The following RANBP17 variants were observed in gnomAD, a reference collection of about 807,000 sequenced individuals.
The protein encoded by RANBP17 is RAN binding protein 17.
RANBP17 carries 158 observed loss-of-function variants against 141.2 expected under a neutral mutation model. The observed-to-expected ratio is 1.12, with a 90% confidence interval of 0.98 to 1.28. RANBP17 has a LOEUF of 1.28. Ranked by LOEUF, RANBP17 falls within the 50% of genes most tolerant of loss-of-function variation. The pLI, the probability that RANBP17 is intolerant of heterozygous loss-of-function variation, is 0.00. For synonymous variants in RANBP17, 430 were observed against 450.0 expected, an observed-to-expected ratio of 0.96 and a Z score of 0.56; for missense variants, 1,438 against 1,290.7, an observed-to-expected ratio of 1.11 and a Z score of -1.75.
chr5:170,966,876 C>T (rs1776604085), intron 13 of RANBP17, among the ~76,000 whole-genome samples: 1 of 152,104 alleles, frequency 6.6e-6, no homozygotes, highest in African/African-American at 2.4e-5. Flanking sequence ...GTACAAAAAT[C>T]ACAAGCATTC....
intron 14 of RANBP17, chr5:171,143,468 G>C (rs1420185413): frequency 2.0e-5 from 3 of 152,020 alleles, no homozygotes; most frequent in Non-Finnish European, 4.4e-5. Flanking sequence ...TGGCCTTCCA[G>C]GTAAGCCCTT....
At position 170,898,149 on chromosome 5, in the gene RANBP17, G is replaced by C. The variant is rs548439751; in HGVS notation, c.489+2034G>C. 2.6e-5 allele frequency among the ~76,000 whole-genome samples: 4 copies of C among 152,292 alleles called. No homozygotes were observed. In the East Asian group the frequency reaches 7.7e-4, roughly 29 times the overall value. ...TTGCTTTATGAATCTGGGTGCCTCT[G>C]TATTAGGTGCATATATATTTAGGAT... On this transcript the variant is annotated intron_variant, in intron 5 of 27. Coordinates refer to ENST00000523189, the MANE Select transcript of RANBP17 (RefSeq NM_022897.5).
chr5:171,211,050 G>A (rs1337749066), intron 20 of RANBP17, among the ~76,000 whole-genome samples: 1 of 145,174 alleles, frequency 6.9e-6, no homozygotes, highest in Non-Finnish European at 1.5e-5. Flanking sequence ...TGGATCCCCA[G>A]CCCTTAGCAT....
intron 14 of RANBP17, among the ~76,000 whole-genome samples, chr5:171,146,405 A>C (rs1451249655): frequency 6.6e-6 from 1 of 152,230 alleles, no homozygotes; most frequent in East Asian, 1.9e-4. Flanking sequence ...CACAACAATC[A>C]TGTAGGGTAA....
chr5:170,881,619 T>C (rs1768699120), intron 2 of RANBP17, among the ~76,000 whole-genome samples, 187 bp from the exon 3 acceptor site: 1 of 152,240 alleles, frequency 6.6e-6, no homozygotes, highest in South Asian at 2.1e-4. Context: ...TTTTAAGAGA[T>C]TGTATGCCTG....
At chr5:171,021,121 G>C (rs1780825263) in intron 14 of RANBP17, among the ~76,000 whole-genome samples, 1 of 152,136 alleles carries the variant, frequency 6.6e-6, no homozygotes, top group Non-Finnish European at 1.5e-5. Flanking sequence ...TGGCTTATAG[G>C]GTTTCTGCAG....
chr5:170,966,967 C>T (rs1328796017), intron 13 of RANBP17, among the ~76,000 whole-genome samples: 1 of 152,084 alleles, frequency 6.6e-6, no homozygotes, highest in African/African-American at 2.4e-5. Context: ...TAATAAAATA[C>T]CTAGGGATCC....
intron 12 of RANBP17, among the ~76,000 whole-genome samples, chr5:170,944,931 A>T (rs1473706507): frequency 6.6e-6 from 1 of 152,224 alleles, no homozygotes; most frequent in Non-Finnish European, 1.5e-5. Flanking sequence ...AATGGTGCTC[A>T]TCATACTGCA....
intron 14 of RANBP17, among the ~76,000 whole-genome samples, chr5:171,041,933 C>T (rs1162263163): frequency 1.3e-5 from 2 of 151,976 alleles, no homozygotes; most frequent in African/African-American, 4.8e-5. Flanking sequence ...GCATCGTTCT[C>T]CTCCCTGTGT....
intron 14 of RANBP17, among the ~76,000 whole-genome samples, chr5:170,980,980 C>T (rs1777728978): frequency 6.6e-6 from 1 of 152,200 alleles, no homozygotes; most frequent in Admixed American, 6.5e-5. Context: ...TACCCAAGAC[C>T]ATGGGAACCC....
intron 14 of RANBP17, among the ~76,000 whole-genome samples, chr5:171,115,996 A>C (rs1030847851): frequency 2.6e-5 from 4 of 152,168 alleles, no homozygotes; most frequent in African/African-American, 9.7e-5. Context: ...GACATGAATA[A>C]AGAGGTACAT....
At chr5:170,883,929 T>C (rs1293230078) in intron 3 of RANBP17, among the ~76,000 whole-genome samples, 1 of 152,242 alleles carries the variant, frequency 6.6e-6, no homozygotes, top group African/African-American at 2.4e-5. Context: ...TGTGGGTTTT[T>C]GTGTGCCCAA....
chr5:171,190,347 G>T (rs1192100567), intron 18 of RANBP17, among the ~76,000 whole-genome samples: 1 of 152,166 alleles, frequency 6.6e-6, no homozygotes, highest in Non-Finnish European at 1.5e-5. Context: ...GCAATAAACA[G>T]TTGTACCATT....
rs1448052847 is a variant in RANBP17 at position 170,916,536 on chromosome 5, C to G, written c.906C>G (p.Tyr302Ter). The change falls in exon 9 of 28, where the codon TAC (tyrosine) becomes TAG (stop). Residue 302 changes from tyrosine to a stop codon, truncating the protein, a stop_gained. Transcript: ENST00000523189. LOFTEE classifies it high-confidence loss of function. ...TTAACAGTCCTGAACGTGCCAAGTACCTTGGTAATTTAATTAAGGGAGTAA... is the reference window on the plus strand; with the variant it reads ...TTAACAGTCCTGAACGTGCCAAGTAGCTTGGTAATTTAATTAAGGGAGTAA... ...SLFNSPERAK[Y>*]LGNLIKGVKR... 2.1e-5 allele frequency: 33 copies of G among 1,579,240 alleles called. No individual in the cohort carries two copies. Among genetic ancestry groups the G allele is most frequent in the Middle Eastern group, 1.7e-4 (1 of 5,910 alleles).
At chr5:170,911,210 G>C in intron 7 of RANBP17, 76 bp downstream of exon 7, 1 of 1,337,892 alleles carries the variant, frequency 7.5e-7, no homozygotes. Context: ...TGTATGTATA[G>C]TTATCTTTTT....
At chr5:170,881,020 A>T (rs892900617) in intron 2 of RANBP17, among the ~76,000 whole-genome samples, 3 of 152,226 alleles carry the variant, frequency 2.0e-5, no homozygotes, top group African/African-American at 7.2e-5. Context: ...CAGTGTGTAA[A>T]TGAATGAGCA....
intron 9 of RANBP17, among the ~76,000 whole-genome samples, chr5:170,917,544 T>TG (rs1561888058): frequency 1.3e-5 from 2 of 152,156 alleles, no homozygotes. Context: ...TAATAAATTT[T>TG]GGGGGGTGAC....
intron 24 of RANBP17, 189 bp downstream of exon 24, chr5:171,243,009 T>C (rs548307132): frequency 3.3e-6 from 2 of 605,140 alleles, no homozygotes; most frequent in Non-Finnish European, 5.8e-6. Context: ...GTCAGTTATG[T>C]TTTAATCAGC....
At chr5:171,242,932 CA>C (rs1764982994) in intron 24 of RANBP17, 112 bp downstream of exon 24, 1 of 948,794 alleles carries the variant, frequency 1.1e-6, no homozygotes, top group African/African-American at 1.7e-5. Context: ...ATTGTGAACC[CA>C]AACTGAAAGA....
Sources: allele counts gnomAD v4.1 joint callset (sites outside exome capture counted in the v4.1 genomes callset), GRCh38; gene constraint gnomAD v4.1.1; transcripts MANE v1.5; gene names NCBI Gene and HGNC (gene_info 2026-07-23, HGNC 2026-07-21).